The following SPOCK3 variants were observed in gnomAD, a reference collection of about 807,000 sequenced individuals.
SPOCK3 encodes testican-3.
In SPOCK3, 30 loss-of-function variants were observed where a neutral mutation model predicts 56.6. The ratio of observed to expected loss-of-function variants is 0.53; its 90% CI spans 0.40 to 0.72. SPOCK3 has a LOEUF of 0.72. Ranked by LOEUF, SPOCK3 falls within the 30% of genes least tolerant of loss-of-function variation. The pLI is 0.00. For synonymous variants in SPOCK3, 196 were observed against 183.3 expected (o/e 1.07, Z -0.56); for missense variants, 527 against 530.0 (o/e 0.99, Z 0.06).
chr4:166,838,608 A>C (rs907658787), intron 6 of SPOCK3, among the ~76,000 whole-genome samples: 7 of 150,050 alleles, frequency 4.7e-5, no homozygotes, highest in Non-Finnish European at 1.0e-4. Flanking sequence ...TATTTGTTTC[A>C]AGTATGTTCA....
At chr4:166,987,501 TAG>T (rs1747298407) in intron 4 of SPOCK3, among the ~76,000 whole-genome samples, 1 of 152,154 alleles carries the variant, frequency 6.6e-6, no homozygotes, top group African/African-American at 2.4e-5. Flanking sequence ...GTAACAAAAT[TAG>T]AGGTTTTCTT....
intron 8 of SPOCK3, among the ~76,000 whole-genome samples, chr4:166,746,712 A>T (rs1035230001): frequency 6.6e-6 from 1 of 152,214 alleles, no homozygotes; most frequent in African/African-American, 2.4e-5. Context: ...TTTTGAAAGG[A>T]TCAACAAAAT....
intron 6 of SPOCK3, among the ~76,000 whole-genome samples, chr4:166,831,770 TTA>T (rs1314155298): frequency 2.7e-5 from 4 of 150,860 alleles, no homozygotes; most frequent in African/African-American, 9.7e-5. Context: ...TTTTTTTTTT[TTA>T]AATTTCATTT....
intron 4 of SPOCK3, among the ~76,000 whole-genome samples, chr4:166,945,635 C>T (rs1041335587): frequency 3.3e-5 from 5 of 152,150 alleles, no homozygotes; most frequent in African/African-American, 9.7e-5. Context: ...CAGGTACCCT[C>T]CTCACTCCAA....
intron 2 of SPOCK3, among the ~76,000 whole-genome samples, chr4:167,149,178 C>G (rs1764206907): frequency 6.6e-6 from 1 of 152,088 alleles, no homozygotes; most frequent in South Asian, 2.1e-4. Flanking sequence ...GTATATCATT[C>G]AGTTCTCTCA....
chr4:166,820,866 A>C (rs921137259), intron 6 of SPOCK3, among the ~76,000 whole-genome samples: 1 of 151,990 alleles, frequency 6.6e-6, no homozygotes, highest in African/African-American at 2.4e-5. Flanking sequence ...AGAAAAAAAG[A>C]AGTAAATCAT....
chr4:166,955,572 TATAA>T lies in SPOCK3; in HGVS notation c.351-42833_351-42830del, dbSNP rs1743331124. 2.1e-5 allele frequency among the ~76,000 whole-genome samples: 3 copies of T among 144,738 alleles called. No individual in the cohort carries two copies. The South Asian group carries it at 6.3e-4, about 30-fold the overall frequency. The allele number at this position is 144,738 out of a possible 152,430, so 95.0% of individuals were successfully genotyped here. ...AATTATATTATATTATTAAATTTAATATAATTAAATTATATTAAATTTAATATAA... is the reference window on the plus strand; with the variant it reads ...AATTATATTATATTATTAAATTTAATTTAAATTATATTAAATTTAATATAA... On this transcript the variant is annotated intron_variant, in intron 4 of 10. Transcript: ENST00000357545.
intron 4 of SPOCK3, among the ~76,000 whole-genome samples, chr4:166,966,301 G>T (rs1579830855): frequency 7.0e-6 from 1 of 142,538 alleles, no homozygotes; most frequent in Non-Finnish European, 1.5e-5. Flanking sequence ...ACTCATTATT[G>T]AAAATATATG....
At chr4:167,187,827 CA>C (rs1732138029) in intron 2 of SPOCK3, among the ~76,000 whole-genome samples, 1 of 152,060 alleles carries the variant, frequency 6.6e-6, no homozygotes, top group Non-Finnish European at 1.5e-5. Context: ...CCATTAATTA[CA>C]GAGGACATTT....
chr4:166,770,866 G>A (rs1738846477), intron 7 of SPOCK3, among the ~76,000 whole-genome samples: 1 of 151,884 alleles, frequency 6.6e-6, no homozygotes, highest in South Asian at 2.1e-4. Flanking sequence ...GTTTACGTAA[G>A]ACAAATTAGA....
intron 7 of SPOCK3, among the ~76,000 whole-genome samples, chr4:166,785,975 G>T (rs767418560): frequency 1.3e-5 from 2 of 152,114 alleles, no homozygotes; most frequent in Non-Finnish European, 2.9e-5. Flanking sequence ...GAAAACTATT[G>T]ACCTTAGAGT....
chr4:166,922,269 G>A (rs1440883218), intron 4 of SPOCK3, among the ~76,000 whole-genome samples: 1 of 152,124 alleles, frequency 6.6e-6, no homozygotes, highest in Non-Finnish European at 1.5e-5. Context: ...TGGCATCAGA[G>A]GGATAGAATC....
chr4:166,843,006 G>A (rs115451207), intron 6 of SPOCK3, among the ~76,000 whole-genome samples: 2,485 of 152,340 alleles, frequency 0.016, 51 homozygotes, highest in African/African-American at 0.045. Context: ...GAATTCGAGC[G>A]TGTCCCCAGT....
At chr4:167,176,523 A>T (rs1405111356) in intron 2 of SPOCK3, among the ~76,000 whole-genome samples, 6 of 152,110 alleles carry the variant, frequency 3.9e-5, no homozygotes, top group Non-Finnish European at 8.8e-5. Flanking sequence ...ATCTTCCTAA[A>T]TTATATAATT....
chr4:166,981,347 AGAG>A (rs1367167971), intron 4 of SPOCK3, among the ~76,000 whole-genome samples: 7 of 151,438 alleles, frequency 4.6e-5, no homozygotes, highest in Admixed American at 4.6e-4. Context: ...CTCTCAGCCA[AGAG>A]GAGAACTGGA....
chr4:166,886,341 T>C (rs145093011), intron 6 of SPOCK3, among the ~76,000 whole-genome samples: 96 of 152,220 alleles, frequency 6.3e-4, no homozygotes, highest in African/African-American at 2.2e-3. Context: ...TGCAAAACAC[T>C]GGCCTGTGTA....
At chr4:167,079,074 GA>G (rs397880869) in intron 2 of SPOCK3, among the ~76,000 whole-genome samples, 222 of 139,372 alleles carry the variant, frequency 1.6e-3, no homozygotes, top group African/African-American at 2.4e-3. Flanking sequence ...TTGGGCAAAT[GA>G]AAAAAAAAAA....
At chr4:167,209,757 G>C (rs893085034) in intron 2 of SPOCK3, among the ~76,000 whole-genome samples, 62 of 152,018 alleles carry the variant, frequency 4.1e-4, no homozygotes, top group African/African-American at 1.5e-3. Flanking sequence ...TCAGACAACT[G>C]GGGACACTCA....
intron 6 of SPOCK3, among the ~76,000 whole-genome samples, chr4:166,885,545 T>C (rs1236198235): frequency 2.6e-5 from 4 of 152,240 alleles, no homozygotes; most frequent in African/African-American, 4.8e-5. Context: ...GATGGCTTTC[T>C]TGAAGGTGCC....
Sources: allele counts gnomAD v4.1 joint callset (sites outside exome capture counted in the v4.1 genomes callset), GRCh38; gene constraint gnomAD v4.1.1; transcripts MANE v1.5; gene names NCBI Gene and HGNC (gene_info 2026-07-23, HGNC 2026-07-21).